The following DNAJB6 variants were observed in gnomAD, a reference collection of about 807,000 sequenced individuals.
DNAJB6 encodes dnaJ homolog subfamily B member 6.
Under a neutral mutation model 42.7 loss-of-function variants are expected in DNAJB6, and 16 were observed. The ratio of observed to expected loss-of-function variants is 0.37; its 90% CI spans 0.25 to 0.57. The LOEUF is 0.57. DNAJB6 is among the 20% of genes least tolerant of loss of function. DNAJB6 has a pLI of 0.74. For synonymous variants in DNAJB6, 170 were observed against 163.5 expected, an observed-to-expected ratio of 1.04 and a Z score of -0.30; for missense variants, 347 against 416.8, an observed-to-expected ratio of 0.83 and a Z score of 1.46.
intron 9 of DNAJB6, 105 bp downstream of exon 9, chr7:157,410,106 T>TGAGCGGGCGTGGGC: frequency 7.0e-7 from 1 of 1,425,040 alleles, no homozygotes; most frequent in Non-Finnish European, 9.2e-7. Context: ...TGTTCTGACC[T>TGAGCGGGCGTGGGC]GAGCGGGCGT....
intron 1 of DNAJB6, chr7:157,339,842 G>A (rs1049442260): frequency 1.3e-5 from 2 of 152,200 alleles, no homozygotes; most frequent in African/African-American, 4.8e-5. Flanking sequence ...GTTCAGGCTG[G>A]TCTCGAACTC....
At chr7:157,401,146 C>G (rs750685520) in intron 8 of DNAJB6, among the ~76,000 whole-genome samples, 12 of 152,200 alleles carry the variant, frequency 7.9e-5, no homozygotes, top group African/African-American at 1.2e-4. Flanking sequence ...GACCTGGGCT[C>G]CTCCTCCTGT....
At chr7:157,409,273 C>G (rs1301005940) in intron 8 of DNAJB6, among the ~76,000 whole-genome samples, 3 of 152,196 alleles carry the variant, frequency 2.0e-5, no homozygotes, top group Admixed American at 6.5e-5. Context: ...TGGAGCTGCA[C>G]TGGAGTGGCC....
intron 8 of DNAJB6, among the ~76,000 whole-genome samples, chr7:157,390,340 T>C (rs568876615): frequency 3.3e-5 from 5 of 152,250 alleles, no homozygotes; most frequent in South Asian, 2.1e-4. Flanking sequence ...AACGTCTGTG[T>C]AGTGTTGATG....
chr7:157,340,998 G>GTGTGTGCGCGCGCGCGCGCT (rs67210462), intron 1 of DNAJB6, among the ~76,000 whole-genome samples: 13 of 135,046 alleles, frequency 9.6e-5, no homozygotes, highest in African/African-American at 2.9e-4. Context: ...GTGTGTGTGT[G>GTGTGTGCGCGCGCGCGCGCT]CGCGCGCGCA....
At chr7:157,377,907 C>T (rs1160291033) in intron 5 of DNAJB6, among the ~76,000 whole-genome samples, 2 of 152,180 alleles carry the variant, frequency 1.3e-5, no homozygotes, top group Admixed American at 6.5e-5. Context: ...GATCCACTAT[C>T]CCACAGACAA....
At chr7:157,373,393 C>T (rs1411327920) in intron 5 of DNAJB6, among the ~76,000 whole-genome samples, 3 of 152,270 alleles carry the variant, frequency 2.0e-5, no homozygotes, top group East Asian at 1.9e-4. Flanking sequence ...CTCTGTCACC[C>T]AGGCTGGAGT....
At chr7:157,413,331 A>T (rs1437804027) in intron 9 of DNAJB6, 1 of 152,194 alleles carries the variant, frequency 6.6e-6, no homozygotes, top group Non-Finnish European at 1.5e-5. Flanking sequence ...TTTTTGGCTG[A>T]GGAAAGCAGC....
chr7:157,369,587 C>T (rs966675183), intron 5 of DNAJB6: 15 of 317,840 alleles, frequency 4.7e-5, no homozygotes, highest in Admixed American at 1.4e-4. Context: ...GGCCGTTTCT[C>T]AACATTATTA....
At chr7:157,361,245 G>T (rs981396729) in intron 2 of DNAJB6, among the ~76,000 whole-genome samples, 2 of 149,910 alleles carry the variant, frequency 1.3e-5, no homozygotes, top group South Asian at 4.2e-4. Flanking sequence ...TGCAACCTCT[G>T]CCTCCCAGGT....
At chr7:157,383,666 C>G (rs1388652190) in intron 6 of DNAJB6, among the ~76,000 whole-genome samples, 1 of 151,460 alleles carries the variant, frequency 6.6e-6, no homozygotes, top group Non-Finnish European at 1.5e-5. Flanking sequence ...GCCTTCTCCA[C>G]TTCTGAGGTG....
At chr7:157,390,374 C>T (rs548066146) in intron 8 of DNAJB6, among the ~76,000 whole-genome samples, 141 of 152,322 alleles carry the variant, frequency 9.3e-4, no homozygotes, top group African/African-American at 3.2e-3. Flanking sequence ...GTTAACATCG[C>T]GTCCTTTTCT....
chr7:157,353,586 G>GGGGTGTGT (rs375917916), intron 1 of DNAJB6, among the ~76,000 whole-genome samples: 1 of 140,038 alleles, frequency 7.1e-6, no homozygotes, highest in Non-Finnish European at 1.5e-5. Flanking sequence ...TCTTGACCGG[G>GGGGTGTGT]GTGTGTGTGT....
chr7:157,416,890 A>G lies in DNAJB6; in HGVS notation c.*792A>G, dbSNP rs1796118874. 6.6e-6 allele frequency: 1 copy of G among 152,188 alleles called. No homozygotes were observed. Among genetic ancestry groups the G allele is most frequent in the South Asian group, 2.1e-4 (1 of 4,832 alleles). 9.4% of individuals were successfully genotyped at this position (152,188 alleles called of 1,614,324 possible). On this transcript the variant is annotated 3_prime_UTR_variant, in exon 10 of 10. Transcript: ENST00000262177. The stretch of plus-strand genomic sequence containing the variant: ...ACCCAGAGACGGCACAAGGAGGTTG[A>G]ACTCATGTTTCAGTTCGCGAACATT...
At chr7:157,343,903 T>C (rs143510352) in intron 1 of DNAJB6, among the ~76,000 whole-genome samples, 100 of 152,358 alleles carry the variant, frequency 6.6e-4, no homozygotes, top group Middle Eastern at 3.4e-3. Context: ...TGTATTGCTT[T>C]TGGAAATTGC....
intron 5 of DNAJB6, chr7:157,382,017 AATTT>A: frequency 5.5e-6 from 2 of 366,960 alleles, no homozygotes; most frequent in South Asian, 9.8e-5. Context: ...TAAGTCTGGT[AATTT>A]ATTTGATACA....
At chr7:157,394,419 C>A (rs1219627630) in intron 8 of DNAJB6, among the ~76,000 whole-genome samples, 1 of 151,962 alleles carries the variant, frequency 6.6e-6, no homozygotes, top group African/African-American at 2.4e-5. Context: ...TATTCCAGCA[C>A]TTTGAGTGGC....
intron 5 of DNAJB6, chr7:157,369,561 C>T: frequency 2.9e-6 from 1 of 343,296 alleles, no homozygotes; most frequent in Non-Finnish European, 5.7e-6. Flanking sequence ...GGCTTTCTTA[C>T]CATTATTATT....
In DNAJB6 at chr7:157,341,135, TTTG is replaced by T. The variant is rs1410541506; in HGVS notation, c.-27+4001_-27+4003del. On this transcript the variant is annotated intron_variant, in intron 1 of 9. Transcript: ENST00000262177. Reference sequence around the variant, plus strand: ...GGTGCCTGGCCAGATTTTAGATTTTTTTGTTGTTGTTGAGATGGAATCTCATAT... The same window carrying T: ...GGTGCCTGGCCAGATTTTAGATTTTTTTGTTGTTGAGATGGAATCTCATAT... Among the ~76,000 whole-genome samples, 4 of 151,974 alleles carry T rather than the reference TTTG, an allele frequency of 2.6e-5. No homozygotes were observed. The East Asian group carries it at 7.8e-4, about 30-fold the overall frequency.
Sources: gnomAD v4.1 joint callset for allele counts (sites outside exome capture counted in the v4.1 genomes callset) on GRCh38, gnomAD v4.1.1 for gene constraint, MANE v1.5 for transcripts, NCBI Gene and HGNC (gene_info 2026-07-23, HGNC 2026-07-21) for gene names.